The following GLB1L3 variants were observed in gnomAD, a reference collection of about 807,000 sequenced individuals.
GLB1L3 encodes the protein beta-galactosidase-1-like protein 3.
In GLB1L3, 89 loss-of-function variants were observed where a neutral mutation model predicts 89.5. That is an observed-to-expected ratio of 0.99 (90% CI 0.84 to 1.19). The LOEUF (loss-of-function observed/expected upper bound fraction) is 1.19, where lower values mean the gene tolerates loss of function less well. Ranked by LOEUF, GLB1L3 falls within the 50% of genes most tolerant of loss-of-function variation. The pLI, the probability that GLB1L3 is intolerant of heterozygous loss-of-function variation, is 0.00. For missense variants in GLB1L3, 812 were observed against 813.3 expected (o/e 1.00, Z 0.02); for synonymous variants, 314 against 312.3 (o/e 1.01, Z -0.06).
At position 134,282,188 on chromosome 11, in the gene GLB1L3, A is replaced by G. The variant is rs1051045183; in HGVS notation, c.527+68A>G. 11 of 1,461,878 alleles carry G rather than the reference A, an allele frequency of 7.5e-6. No individual in the cohort carries two copies. In the African/African-American group the frequency reaches 1.1e-4, roughly 15 times the overall value. The allele number at this position is 1,461,878 out of a possible 1,614,324, so 90.6% of individuals were successfully genotyped here. ...ATTTGCTTTAAAAAAAGTGAATTTCAAGCTAGTAACAAGGAAAGTAACCTT... is the reference window on the plus strand; with the variant it reads ...ATTTGCTTTAAAAAAAGTGAATTTCGAGCTAGTAACAAGGAAAGTAACCTT... On this transcript the variant is annotated intron_variant, in intron 5 of 19. Coordinates refer to ENST00000431683, the MANE Select transcript of GLB1L3 (RefSeq NM_001080407.3).
In GLB1L3 at chr11:134,314,371, A is replaced by G. The variant is rs1431487185; in HGVS notation, c.1709A>G (p.Gln570Arg). The G allele has an allele frequency of 2.4e-5, 38 of 1,551,440 alleles. No homozygotes were observed. Among genetic ancestry groups the G allele is most frequent in the Non-Finnish European group, 3.3e-5 (38 of 1,146,914 alleles). Residue 570 changes from glutamine to arginine, a missense_variant, in exon 18 of 20, where the codon CAG becomes CGG. This residue lies in a region of GLB1L3 where 618 missense variants were observed against 604.0 expected (regional missense o/e 1.02). Coordinates refer to ENST00000431683, the MANE Select transcript of GLB1L3 (RefSeq NM_001080407.3). ...TGGAAGCCTGTCCCAGACAGCCACC[A>G]GGGCCCGGCCTTCTACTGTGGGACC... is the stretch of plus-strand genomic sequence containing the variant. ...ATWKPVPDSH[Q>R]GPAFYCGTLK...
intron 4 of GLB1L3, 149 bp from the exon 5 acceptor site, chr11:134,281,876 C>A (rs1180686236): frequency 3.8e-5 from 24 of 627,402 alleles, no homozygotes; most frequent in Non-Finnish European, 6.3e-5. Flanking sequence ...AGGCCACCGA[C>A]CTGGTGTGGG....
chr11:134,320,130 A>C (rs1360425982), downstream of GLB1L3, among the ~76,000 whole-genome samples: 1 of 152,168 alleles, frequency 6.6e-6, no homozygotes, highest in Non-Finnish European at 1.5e-5. Flanking sequence ...ACTTGGCCTA[A>C]ATTCAAACCA....
intron 9 of GLB1L3, among the ~76,000 whole-genome samples, chr11:134,305,782 A>G (rs1766315351): frequency 6.6e-6 from 1 of 152,220 alleles, no homozygotes; most frequent in Non-Finnish European, 1.5e-5. Context: ...TACCTGAACA[A>G]GAGTGGGCTG....
At chr11:134,310,997 T>C in intron 12 of GLB1L3, 67 bp from the exon 13 acceptor site, 2 of 1,107,834 alleles carry the variant, frequency 1.8e-6, no homozygotes, top group Non-Finnish European at 2.8e-6. Flanking sequence ...TGGATAGGCA[T>C]GGGGGGCTTA....
At chr11:134,306,624 A>G (rs1942217072) in intron 9 of GLB1L3, among the ~76,000 whole-genome samples, 1 of 152,214 alleles carries the variant, frequency 6.6e-6, no homozygotes, top group Non-Finnish European at 1.5e-5. Flanking sequence ...CTCAGCTATG[A>G]TCTTCCGTTT....
At chr11:134,313,768 G>A (rs80250422) in intron 16 of GLB1L3, among the ~76,000 whole-genome samples, 173 bp from the exon 17 acceptor site, 5,744 of 152,330 alleles carry the variant, frequency 0.038, 363 homozygotes, top group African/African-American at 0.13. Flanking sequence ...TCTTGGTAGT[G>A]TGGAAACATA....
chr11:134,319,929 G>A (rs138271691), downstream of GLB1L3, among the ~76,000 whole-genome samples: 9 of 152,140 alleles, frequency 5.9e-5, no homozygotes, highest in South Asian at 4.2e-4. Flanking sequence ...CAAAGCTAGC[G>A]CAGGGTTCTC....
chr11:134,299,218 T>G (rs1395987579), intron 9 of GLB1L3, among the ~76,000 whole-genome samples: 3 of 152,058 alleles, frequency 2.0e-5, no homozygotes, highest in Non-Finnish European at 4.4e-5. Flanking sequence ...GCATGCTGTC[T>G]TCCTTTTCCA....
intron 9 of GLB1L3, chr11:134,305,390 A>G: frequency 2.3e-6 from 1 of 441,348 alleles, no homozygotes; most frequent in East Asian, 3.5e-5. Context: ...TTCTCTCTCT[A>G]CGTTTTTTGA....
intron 9 of GLB1L3, among the ~76,000 whole-genome samples, chr11:134,299,762 CA>C (rs1322800758): frequency 9.2e-5 from 14 of 152,128 alleles, no homozygotes; most frequent in Non-Finnish European, 1.9e-4. Context: ...GCCTTATTGC[CA>C]GCAGATGCTG....
intron 6 of GLB1L3, among the ~76,000 whole-genome samples, chr11:134,287,915 G>T (rs1444498105): frequency 6.6e-6 from 1 of 152,188 alleles, no homozygotes; most frequent in East Asian, 1.9e-4. Context: ...GTCCAAGAGG[G>T]AGGAACGCAC....
intron 9 of GLB1L3, among the ~76,000 whole-genome samples, chr11:134,296,092 T>C (rs919839815): frequency 1.4e-4 from 22 of 152,164 alleles, no homozygotes; most frequent in Non-Finnish European, 2.5e-4. Flanking sequence ...CATGAAAAAA[T>C]GCTCACCATC....
chr11:134,284,664 G>C (rs1026427019), intron 6 of GLB1L3, among the ~76,000 whole-genome samples: 2 of 152,016 alleles, frequency 1.3e-5, no homozygotes, highest in African/African-American at 4.8e-5. Flanking sequence ...GGGAGGCAGA[G>C]ATTACAGTGA....
At chr11:134,297,931 A>G (rs1365870714) in intron 9 of GLB1L3, among the ~76,000 whole-genome samples, 2 of 151,318 alleles carry the variant, frequency 1.3e-5, no homozygotes, top group African/African-American at 2.4e-5. Flanking sequence ...TTAACCTGAC[A>G]CGACTAATCA....
At chr11:134,291,374 C>A (rs1027168816) in intron 7 of GLB1L3, among the ~76,000 whole-genome samples, 5 of 151,544 alleles carry the variant, frequency 3.3e-5, no homozygotes, top group Non-Finnish European at 5.9e-5. Context: ...ATTCTTGTGA[C>A]TCAGCCTCCC....
In GLB1L3 at chr11:134,292,119, A is replaced by AT. The variant is rs1941393876; in HGVS notation, c.730-9dup. On this transcript the variant is annotated splice_polypyrimidine_tract_variant and intron_variant, in intron 7 of 19. Coordinates refer to ENST00000431683, the MANE Select transcript of GLB1L3 (RefSeq NM_001080407.3). ...GAGGGAATTGGGTTCATTTTGGTTA[A>AT]TTTTCTCAACAGGCCCTGCTGAGAA... 1.2e-6 allele frequency: 2 copies of AT among 1,609,256 alleles called. No individual in the cohort carries two copies. The highest frequency in any genetic ancestry group is 1.7e-6 in the Non-Finnish European group (2 of 1,176,346).
At chr11:134,278,195 G>A (rs1306220412) in intron 3 of GLB1L3, among the ~76,000 whole-genome samples, 1 of 152,000 alleles carries the variant, frequency 6.6e-6, no homozygotes, top group Non-Finnish European at 1.5e-5. Context: ...GGCGCCCTTG[G>A]GAGCACTCAG....
chr11:134,280,672 G>A (rs932105812), intron 3 of GLB1L3, among the ~76,000 whole-genome samples: 3 of 151,894 alleles, frequency 2.0e-5, no homozygotes, highest in African/African-American at 7.3e-5. Context: ...ACGTTGTTAA[G>A]CTCATAGAAG....
Sources: gnomAD v4.1 joint callset for allele counts (sites outside exome capture counted in the v4.1 genomes callset) on GRCh38, gnomAD v4.1.1 for gene constraint, gnomAD v4.1.1 regional missense constraint, MANE v1.5 for transcripts, NCBI Gene and HGNC (gene_info 2026-07-23, HGNC 2026-07-21) for gene names.